Variants in BRI3BP observed in about 807,000 individuals in gnomAD.
BRI3BP encodes BRI3-binding protein.
Under a neutral mutation model 15.8 loss-of-function variants are expected in BRI3BP, and 7 were observed. The observed-to-expected ratio is 0.44, with a 90% CI of 0.25 to 0.83. The LOEUF (loss-of-function observed/expected upper bound fraction) is 0.83, where lower values mean the gene tolerates loss of function less well. Ranked by LOEUF, BRI3BP falls within the 40% of genes least tolerant of loss-of-function variation. The pLI is 0.20. For synonymous variants in BRI3BP, 192 were observed against 163.5 expected (o/e 1.17, Z -1.33); for missense variants, 320 against 339.3 (o/e 0.94, Z 0.45).
rs147787057 is a variant in BRI3BP, at chr12:125,004,922, T to G, written c.214-7612T>G. On this transcript the variant is annotated intron_variant, in intron 1 of 2. Transcript: ENST00000341446. Reference sequence around the variant, plus strand: ...GTGAAGTGGTGTGATCTCTGCTCACTGCAACCTCTGCCTCCCAGATTCAAG... The same window carrying G: ...GTGAAGTGGTGTGATCTCTGCTCACGGCAACCTCTGCCTCCCAGATTCAAG... Among the ~76,000 whole-genome samples the G allele has an allele frequency of 2.8e-3, 419 of 152,316 alleles. 2 individuals are homozygous for G. The highest frequency in any genetic ancestry group is 9.6e-3 in the African/African-American group (399 of 41,572).
intron 2 of BRI3BP, among the ~76,000 whole-genome samples, chr12:125,017,335 T>TTA (rs199850955): frequency 4.0e-5 from 6 of 151,382 alleles, no homozygotes; most frequent in South Asian, 2.1e-4. Context: ...GTTTTTTTTT[T>TTA]ATAGAGATGG....
intron 1 of BRI3BP, among the ~76,000 whole-genome samples, chr12:125,004,222 G>C (rs1394778042): frequency 6.6e-6 from 1 of 151,902 alleles, no homozygotes; most frequent in East Asian, 1.9e-4. Flanking sequence ...ACCCAGACTG[G>C]AGTGCAGTGG....
At chr12:125,047,575 C>G in the BRI3BP span, among the ~76,000 whole-genome samples, 2 of 151,936 alleles carry the variant, frequency 1.3e-5, no homozygotes, top group African/African-American at 4.8e-5. Flanking sequence ...GGGGTTTTGC[C>G]ATGTTGGCCA....
intron 2 of BRI3BP, 30 bp from the exon 3 acceptor site, chr12:125,024,961 C>A: frequency 6.4e-7 from 1 of 1,573,696 alleles, no homozygotes; most frequent in African/African-American, 1.4e-5. Context: ...CCCTGCGTAA[C>A]GAGCCCTGTT....
rs1955088061 is a variant in BRI3BP, at chr12:125,001,171, C to T, written c.213+7168C>T. On this transcript the variant is annotated intron_variant, in intron 1 of 2. Transcript: ENST00000341446. ...CTGTGTTCACGCCATTCTCCTGCCTCAGCCTCCCAAATAGCTGGGACCAAG... is the reference window on the plus strand; with the variant it reads ...CTGTGTTCACGCCATTCTCCTGCCTTAGCCTCCCAAATAGCTGGGACCAAG... Among the ~76,000 whole-genome samples, 2 of 151,628 alleles carry T rather than the reference C, an allele frequency of 1.3e-5. 1 individual carries two copies. Among genetic ancestry groups the T allele is most frequent in the South Asian group, 4.1e-4 (2 of 4,820 alleles).
chr12:125,017,992 G>A (rs56147436), intron 2 of BRI3BP, among the ~76,000 whole-genome samples: 36,623 of 152,016 alleles, frequency 0.24, 4,730 homozygotes, highest in South Asian at 0.41. Context: ...ATGACTGTGT[G>A]TGTAGGGTGG....
chr12:125,005,727 G>A (rs537675605), intron 1 of BRI3BP, among the ~76,000 whole-genome samples: 3 of 151,620 alleles, frequency 2.0e-5, no homozygotes, highest in Non-Finnish European at 2.9e-5. Context: ...GCAGTGAGCC[G>A]AGATCGCGCC....
At chr12:125,002,097 A>G (rs540191955) in intron 1 of BRI3BP, among the ~76,000 whole-genome samples, 5 of 152,056 alleles carry the variant, frequency 3.3e-5, no homozygotes, top group Non-Finnish European at 7.4e-5. Flanking sequence ...CTTTTTATTT[A>G]CCTGATCATC....
the BRI3BP span, among the ~76,000 whole-genome samples, chr12:125,042,906 C>T: frequency 2.0e-5 from 3 of 152,034 alleles, no homozygotes; most frequent in African/African-American, 7.2e-5. Flanking sequence ...CCTTGGTCTC[C>T]CAAAGTTCTG....
At chr12:125,012,913 A>C (rs1024420677) in intron 2 of BRI3BP, among the ~76,000 whole-genome samples, 1 of 152,040 alleles carries the variant, frequency 6.6e-6, no homozygotes, top group Non-Finnish European at 1.5e-5. Flanking sequence ...TCCCATCTCT[A>C]TAAAAAAAAA....
intron 1 of BRI3BP, among the ~76,000 whole-genome samples, chr12:125,009,742 A>G (rs888747856): frequency 6.6e-6 from 1 of 152,042 alleles, no homozygotes; most frequent in Non-Finnish European, 1.5e-5. Flanking sequence ...CAGCCTCTAT[A>G]CTGTTTTTTA....
At chr12:125,046,158 T>C in the BRI3BP span, among the ~76,000 whole-genome samples, 3 of 151,274 alleles carry the variant, frequency 2.0e-5, no homozygotes, top group Admixed American at 6.6e-5. Context: ...GAATGAGACT[T>C]TGTCTCAAAA....
rs754787333 is a variant in BRI3BP, at chr12:125,025,355, G to C, written c.681G>C (p.Leu227=). 18 of 1,612,770 alleles carry C rather than the reference G, an allele frequency of 1.1e-5. No individual in the cohort carries two copies. The highest frequency in any genetic ancestry group is 1.4e-5 in the Non-Finnish European group (16 of 1,179,670). The change falls in exon 3 of 3, where the codon CTG becomes CTC. Residue 227 remains leucine, a synonymous_variant. Coordinates refer to ENST00000341446, the MANE Select transcript of BRI3BP (RefSeq NM_080626.6). ...GCGTGGAGGAGAAGCTGGAGCACCTGGAGAAGCAGGTCAGACTGCTCAACA... is the reference window on the plus strand; with the variant it reads ...GCGTGGAGGAGAAGCTGGAGCACCTCGAGAAGCAGGTCAGACTGCTCAACA... The part of the protein sequence containing the change: ...NPSVEEKLEH[L]EKQVRLLNIR...
intron 2 of BRI3BP, among the ~76,000 whole-genome samples, chr12:125,018,907 GGA>G (rs1308260755): frequency 6.6e-6 from 1 of 151,976 alleles, no homozygotes; most frequent in Non-Finnish European, 1.5e-5. Context: ...TGCCCAGGTT[GGA>G]GAGCAATGCC....
chr12:125,038,488 G>A, the BRI3BP span, among the ~76,000 whole-genome samples: 7 of 151,460 alleles, frequency 4.6e-5, no homozygotes, highest in Non-Finnish European at 7.4e-5. Context: ...AAAATCTGCC[G>A]GGCGTGGTGG....
the BRI3BP span, among the ~76,000 whole-genome samples, chr12:125,041,069 G>A: frequency 0.4 from 58,074 of 146,442 alleles, 12,772 homozygotes; most frequent in Non-Finnish European, 0.5. Context: ...TTTTTGAGAC[G>A]GAGTCTCGCT....
chr12:125,021,639 C>T lies in BRI3BP; in HGVS notation c.317-3352C>T, dbSNP rs575852091. ...CACAGTTCCACATGGCTGGGGAGGC[C>T]TCAGGAAACTTGTAATCATGGCGGA... is the stretch of plus-strand genomic sequence containing the variant. On this transcript the variant is annotated intron_variant, in intron 2 of 2. Coordinates refer to ENST00000341446, the MANE Select transcript of BRI3BP (RefSeq NM_080626.6). Among the ~76,000 whole-genome samples the T allele has an allele frequency of 2.0e-5, 3 of 152,268 alleles. No homozygotes were observed. In the East Asian group the frequency reaches 5.8e-4, roughly 29 times the overall value.
At chr12:125,021,430 T>C (rs1955298006) in intron 2 of BRI3BP, among the ~76,000 whole-genome samples, 1 of 152,128 alleles carries the variant, frequency 6.6e-6, no homozygotes, top group South Asian at 2.1e-4. Flanking sequence ...TGGCTGGGCG[T>C]GGTGCCTCAC....
chr12:125,001,207 A>C (rs754285955), intron 1 of BRI3BP, among the ~76,000 whole-genome samples: 1 of 151,612 alleles, frequency 6.6e-6, no homozygotes, highest in Non-Finnish European at 1.5e-5. Context: ...GGTGCCCGCC[A>C]TCACGCCCGG....
Sources: gnomAD v4.1 joint callset for allele counts (sites outside exome capture counted in the v4.1 genomes callset) on GRCh38, gnomAD v4.1.1 for gene constraint, MANE v1.5 for transcripts, NCBI Gene and HGNC (gene_info 2026-07-23, HGNC 2026-07-21) for gene names.